MTFR1: variants seen among roughly 807,000 people sequenced by gnomAD.
MTFR1 encodes the protein mitochondrial fission regulator 1.
MTFR1 carries 28 observed loss-of-function variants against 38.8 expected under a neutral mutation model. That is an observed-to-expected ratio of 0.72 (90% CI 0.53 to 0.99). The LOEUF is 0.99. Among genes scored for constraint, MTFR1 ranks in the 50% least tolerant of loss-of-function variants. The pLI is 0.00. For synonymous variants in MTFR1, 145 were observed against 137.0 expected, an observed-to-expected ratio of 1.06 and a Z score of -0.41; for missense variants, 358 against 395.5, an observed-to-expected ratio of 0.91 and a Z score of 0.81.
chr8:65,707,277 T>G, intron 6 of MTFR1, 21 bp downstream of exon 6: 3 of 1,599,686 alleles, frequency 1.9e-6, no homozygotes, highest in Non-Finnish European at 2.6e-6. Context: ...ATTCACCTTC[T>G]TTCTTCCCCA....
chr8:65,761,741 C>T (rs1585887445), intron 3 of MTFR1, among the ~76,000 whole-genome samples: 1 of 152,174 alleles, frequency 6.6e-6, no homozygotes, highest in East Asian at 1.9e-4. Flanking sequence ...CTTCTCTAAG[C>T]CAAATCACAA....
At chr8:65,688,792 A>C (rs1805180665) in intron 3 of MTFR1, among the ~76,000 whole-genome samples, 1 of 152,122 alleles carries the variant, frequency 6.6e-6, no homozygotes, top group Non-Finnish European at 1.5e-5. Context: ...AAGAGAAATA[A>C]TTAAATCTAT....
chr8:65,709,324 T>A lies in MTFR1; in HGVS notation c.*280T>A. ...CAGTTTTGAAAACAATTGTATAGAT[T>A]TCACAACACAAAAAGGACATTTGTG... On this transcript the variant is annotated 3_prime_UTR_variant, in exon 8 of 8. Coordinates refer to ENST00000262146, the MANE Select transcript of MTFR1 (RefSeq NM_014637.4). 1 of 330,070 alleles carries A rather than the reference T, an allele frequency of 3.0e-6. No individual in the cohort carries two copies. 20.4% of individuals were successfully genotyped at this position (330,070 alleles called of 1,614,324 possible). A position where few individuals can be genotyped will look rare whatever the true frequency, so the allele number is the denominator to read the frequency against.
chr8:65,739,682 T>C (rs1459788958), intron 3 of MTFR1: 3 of 1,249,204 alleles, frequency 2.4e-6, no homozygotes, highest in South Asian at 5.3e-5. Context: ...ATTTTGAATA[T>C]AAAACATGGA....
At chr8:65,662,908 G>T (rs1459053685) in intron 1 of MTFR1, among the ~76,000 whole-genome samples, 2 of 149,692 alleles carry the variant, frequency 1.3e-5, no homozygotes, top group Non-Finnish European at 3.0e-5. Context: ...GAGGGAGGTG[G>T]GGGGGTCAGC....
intron 1 of MTFR1, among the ~76,000 whole-genome samples, chr8:65,664,924 T>A (rs976063871): frequency 3.4e-5 from 5 of 146,782 alleles, no homozygotes; most frequent in South Asian, 2.2e-4. Context: ...TTCATGCTTT[T>A]AAAAAAAAAT....
In MTFR1 at chr8:65,750,486, GTGTGTGTGTGTGTGTGTC is replaced by G. The variant is rs1807886029; in HGVS notation, c.*49-20451_*49-20434del. Among the ~76,000 whole-genome samples the G allele has an allele frequency of 2.2e-5, 3 of 136,162 alleles. No homozygotes were observed. In the South Asian group the frequency reaches 7.7e-4, roughly 35 times the overall value. 89.3% of individuals were successfully genotyped at this position (136,162 alleles called of 152,430 possible). On this transcript the variant is annotated intron_variant, in intron 3 of 3. Coordinates refer to the MTFR1 transcript ENST00000521247. ...TAAATTAGAATCACTGTGTGTGTGT[GTGTGTGTGTGTGTGTGTC>G]TGTGTGTGTCTGTGTGTGTGTGAGA... is the stretch of plus-strand genomic sequence containing the variant.
intron 3 of MTFR1, among the ~76,000 whole-genome samples, chr8:65,770,561 T>C (rs1203987808): frequency 6.6e-6 from 1 of 152,148 alleles, no homozygotes; most frequent in Non-Finnish European, 1.5e-5. Flanking sequence ...CAAGATGAGA[T>C]TTGGGAGGGG....
intron 3 of MTFR1, among the ~76,000 whole-genome samples, chr8:65,732,956 C>T (rs10110985): frequency 0.12 from 18,231 of 151,984 alleles, 1,939 homozygotes; most frequent in East Asian, 0.52. Context: ...GCAAGCCATC[C>T]GCCTCAGCCT....
intron 4 of MTFR1, among the ~76,000 whole-genome samples, chr8:65,699,606 A>C (rs1805550809): frequency 6.6e-6 from 1 of 152,016 alleles, no homozygotes; most frequent in Non-Finnish European, 1.5e-5. Flanking sequence ...CCTCCTTCAA[A>C]GTGTCTGTGG....
chr8:65,646,436 A>G (rs1808966784), intron 1 of MTFR1, among the ~76,000 whole-genome samples: 1 of 152,178 alleles, frequency 6.6e-6, no homozygotes, highest in Non-Finnish European at 1.5e-5. Context: ...TAAGCCACAA[A>G]TCAGTAATGG....
chr8:65,767,108 G>C (rs1003221765), intron 3 of MTFR1, among the ~76,000 whole-genome samples: 1 of 152,186 alleles, frequency 6.6e-6, no homozygotes, highest in African/African-American at 2.4e-5. Context: ...CATACACTTA[G>C]AAGAATTAGA....
chr8:65,759,798 T>C (rs1808406976), intron 3 of MTFR1, among the ~76,000 whole-genome samples: 1 of 152,088 alleles, frequency 6.6e-6, no homozygotes, highest in African/African-American at 2.4e-5. Flanking sequence ...GGGGAAAGGT[T>C]GCATGTGAGA....
chr8:65,664,933 A>ATTTTTTT (rs374209617), intron 1 of MTFR1, among the ~76,000 whole-genome samples: 1 of 125,702 alleles, frequency 8.0e-6, no homozygotes. Flanking sequence ...TTAAAAAAAA[A>ATTTTTTT]TTTTTTTTTT....
At chr8:65,654,554 A>T (rs1585742205) in intron 1 of MTFR1, among the ~76,000 whole-genome samples, 1 of 151,572 alleles carries the variant, frequency 6.6e-6, no homozygotes, top group East Asian at 1.9e-4. Context: ...TAATTTACTG[A>T]GTTCTTCCAT....
intron 3 of MTFR1, among the ~76,000 whole-genome samples, chr8:65,734,586 C>T (rs531141882): frequency 2.6e-5 from 4 of 152,274 alleles, no homozygotes; most frequent in African/African-American, 9.6e-5. Context: ...TTGGGCTTCT[C>T]CAGCCTCTCT....
intron 4 of MTFR1, among the ~76,000 whole-genome samples, chr8:65,703,622 C>G (rs923797908): frequency 1.3e-5 from 2 of 151,802 alleles, no homozygotes; most frequent in South Asian, 4.2e-4. Flanking sequence ...TTAGTAGAGA[C>G]AGGGTTGCAC....
At chr8:65,716,343 CAT>C (rs1806145029) in intron 2 of MTFR1, among the ~76,000 whole-genome samples, 2 of 152,128 alleles carry the variant, frequency 1.3e-5, no homozygotes. Flanking sequence ...CAGAAGCAAT[CAT>C]GTATACAGGC....
chr8:65,746,294 G>C (rs1026098389), intron 3 of MTFR1, among the ~76,000 whole-genome samples: 3 of 151,958 alleles, frequency 2.0e-5, no homozygotes, highest in Non-Finnish European at 4.4e-5. Context: ...TAACTAACTT[G>C]CTCAGCTATA....
Sources: gnomAD v4.1 joint callset for allele counts (sites outside exome capture counted in the v4.1 genomes callset) on GRCh38, gnomAD v4.1.1 for gene constraint, MANE v1.5 for transcripts, NCBI Gene and HGNC (gene_info 2026-07-23, HGNC 2026-07-21) for gene names.